The following LONRF3 variants were observed in gnomAD, a reference collection of about 807,000 sequenced individuals.
LONRF3 encodes the protein LON peptidase N-terminal domain and ring finger 3.
A neutral mutation model predicts 51.7 loss-of-function variants in LONRF3; 19 were observed. The observed-to-expected ratio is 0.37, with a 90% confidence interval of 0.26 to 0.54. The LOEUF (loss-of-function observed/expected upper bound fraction) is 0.54, where lower values mean the gene tolerates loss of function less well. LONRF3 is among the 20% of genes least tolerant of loss of function. LONRF3 has a pLI of 0.86. For missense variants in LONRF3, 521 were observed against 623.9 expected (o/e 0.84, Z 1.76); for synonymous variants, 265 against 257.8 (o/e 1.03, Z -0.27).
chrX:118,978,945 C>CCCTT (rs541693076), intron 2 of LONRF3, among the ~76,000 whole-genome samples: 1,494 of 108,002 alleles, frequency 0.014, 34 homozygotes, highest in African/African-American at 0.046. Context: ...TCTCTTTCTT[C>CCCTT]CCTTCCTTCC....
At chrX:119,017,010 T>C in intron 10 of LONRF3, among the ~76,000 whole-genome samples, 1 of 112,255 alleles carries the variant, frequency 8.9e-6, no homozygotes, top group Non-Finnish European at 1.9e-5. Context: ...TGGTTTGCTT[T>C]AACAAGAAAC....
chrX:118,976,139 G>A (rs1373035810), intron 1 of LONRF3, among the ~76,000 whole-genome samples: 3 of 113,047 alleles, frequency 2.7e-5, no homozygotes, highest in African/African-American at 9.6e-5. Flanking sequence ...CGCCGCTCGC[G>A]CCGCCGGGTG....
chrX:118,985,506 G>A, intron 3 of LONRF3, among the ~76,000 whole-genome samples: 1 of 111,877 alleles, frequency 8.9e-6, no homozygotes, highest in African/African-American at 3.3e-5. Flanking sequence ...GAGGACTTTG[G>A]GCCTGAATGC....
rs12848578 is a variant in LONRF3, at chrX:118,983,090, G to A, written c.1059+147G>A. 2,884 of 545,691 alleles carry A rather than the reference G, an allele frequency of 5.3e-3. 54 individuals are homozygous for A. The African/African-American group carries it at 0.058, about 11-fold the overall frequency. The allele number at this position is 545,691 out of a possible 1,213,427, so 45.0% of individuals were successfully genotyped here. ...GGGTTAAGGGGACAAAAGGGAGATGGGAGTGTTAATTGATTGCCCAGAAAC... is the reference window on the plus strand; with the variant it reads ...GGGTTAAGGGGACAAAAGGGAGATGAGAGTGTTAATTGATTGCCCAGAAAC... On this transcript the variant is annotated intron_variant, in intron 3 of 10. Transcript: ENST00000371628.
At chrX:119,015,775 G>A (rs1318157889) in intron 10 of LONRF3, among the ~76,000 whole-genome samples, 1 of 112,129 alleles carries the variant, frequency 8.9e-6, no homozygotes, top group Non-Finnish European at 1.9e-5. Flanking sequence ...CTGTTATTAT[G>A]TTGCTTTGGC....
chrX:118,991,241 G>A (rs1414530352), intron 5 of LONRF3, among the ~76,000 whole-genome samples: 2 of 111,465 alleles, frequency 1.8e-5, no homozygotes, highest in Non-Finnish European at 3.8e-5. Context: ...ATTTGACCAC[G>A]CCCCCGCCAC....
intron 7 of LONRF3, among the ~76,000 whole-genome samples, chrX:119,009,961 G>A (rs898006051): frequency 1.8e-5 from 2 of 110,692 alleles, no homozygotes; most frequent in Admixed American, 1.9e-4. Flanking sequence ...AGTAGAGACA[G>A]GGCTTCACCA....
intron 5 of LONRF3, among the ~76,000 whole-genome samples, chrX:119,000,522 T>C (rs1250129804): frequency 8.9e-6 from 1 of 112,000 alleles, no homozygotes; most frequent in African/African-American, 3.2e-5. Flanking sequence ...TCCTTAGTGG[T>C]TGCAAATTCT....
intron 1 of LONRF3, 34 bp downstream of exon 1, chrX:118,975,631 G>T: frequency 2.8e-6 from 3 of 1,073,224 alleles, no homozygotes; most frequent in Non-Finnish European, 3.7e-6. Flanking sequence ...CGGGGCTGGG[G>T]CTCGGTGGCT....
intron 5 of LONRF3, among the ~76,000 whole-genome samples, chrX:118,991,487 A>G (rs899741233): frequency 9.0e-6 from 1 of 111,664 alleles, no homozygotes; most frequent in Non-Finnish European, 1.9e-5. Flanking sequence ...TTAGCCAAGT[A>G]TCTCCCCACC....
At chrX:118,988,242 G>T (rs751174554) in intron 3 of LONRF3, among the ~76,000 whole-genome samples, 3 of 111,847 alleles carry the variant, frequency 2.7e-5, no homozygotes, top group Non-Finnish European at 3.8e-5. Context: ...CAATAATTAA[G>T]ATCACTATTA....
rs1244478936 is a variant in LONRF3 at position 118,974,672 on chromosome X, G to C, written c.-109G>C. 1.4e-6 allele frequency: 1 copy of C among 694,355 alleles called. No homozygotes were observed. The highest frequency in any genetic ancestry group is 2.1e-6 in the Non-Finnish European group (1 of 474,579). 57.2% of individuals were successfully genotyped at this position (694,355 alleles called of 1,213,427 possible). A position where few individuals can be genotyped will look rare whatever the true frequency, so the allele number is the denominator to read the frequency against. Reference sequence around the variant, plus strand: ...GCTCCCGGAGGCGCGGCAGGGTCAGGAGCTCGGTGGCATGGCGGCGGTGGC... The same window carrying C: ...GCTCCCGGAGGCGCGGCAGGGTCAGCAGCTCGGTGGCATGGCGGCGGTGGC... On this transcript the variant is annotated 5_prime_UTR_variant, in exon 1 of 11. Transcript: ENST00000371628.
Position 118,994,177 on chromosome X carries a change from A to G in LONRF3, c.1415+3617A>G, listed in dbSNP as rs141620497. 9.8e-4 allele frequency among the ~76,000 whole-genome samples: 110 copies of G among 112,018 alleles called. No homozygotes were observed. The East Asian group carries it at 0.029, about 30-fold the overall frequency. ...CAAAGAGCACAATGAATGCTACGGT[A>G]CGGTACACCACATTTCAATACTAAC... is the stretch of plus-strand genomic sequence containing the variant. On this transcript the variant is annotated intron_variant, in intron 5 of 10. Coordinates refer to ENST00000371628, the MANE Select transcript of LONRF3 (RefSeq NM_001031855.3).
intron 6 of LONRF3, among the ~76,000 whole-genome samples, chrX:119,006,717 T>C: frequency 8.9e-6 from 1 of 111,833 alleles, no homozygotes; most frequent in Non-Finnish European, 1.9e-5. Context: ...CCTCCCCGAG[T>C]AGCTGGGACT....
chrX:118,989,698 T>C, intron 4 of LONRF3, 26 bp downstream of exon 4: 1 of 1,193,175 alleles, frequency 8.4e-7, no homozygotes. Flanking sequence ...AGAGAGAAGG[T>C]AGCTTGGAGG....
intron 6 of LONRF3, among the ~76,000 whole-genome samples, chrX:119,006,476 C>G (rs915907687): frequency 4.6e-5 from 5 of 107,702 alleles, no homozygotes; most frequent in Middle Eastern, 4.8e-3. Context: ...TCGCGGGTCA[C>G]TGCAACCTCC....
chrX:119,003,837 T>G (rs1324853117), intron 5 of LONRF3, among the ~76,000 whole-genome samples: 1 of 112,482 alleles, frequency 8.9e-6, no homozygotes, highest in East Asian at 2.8e-4. Flanking sequence ...TGTTTGTAGC[T>G]TTTTCCAATA....
At chrX:118,989,761 C>T in intron 4 of LONRF3, 89 bp downstream of exon 4, 1 of 1,004,851 alleles carries the variant, frequency 1.0e-6, no homozygotes, top group Non-Finnish European at 1.3e-6. Context: ...TCTGGGGGCT[C>T]CTTAGGCTCT....
chrX:118,994,724 CA>C (rs1923738249), intron 5 of LONRF3, among the ~76,000 whole-genome samples: 1 of 111,637 alleles, frequency 9.0e-6, no homozygotes, highest in Non-Finnish European at 1.9e-5. Context: ...AAAGCAACAG[CA>C]GTTAAAAGAG....
Sources: allele counts gnomAD v4.1 joint callset (sites outside exome capture counted in the v4.1 genomes callset), GRCh38; gene constraint gnomAD v4.1.1; transcripts MANE v1.5; gene names NCBI Gene and HGNC (gene_info 2026-07-23, HGNC 2026-07-21).